The following ZBTB11 variants were observed in gnomAD, a reference collection of about 807,000 sequenced individuals.
ZBTB11 encodes zinc finger and BTB domain containing 11.
In ZBTB11, 68 loss-of-function variants were observed where a neutral mutation model predicts 113.1. That is an observed-to-expected ratio of 0.60 (90% CI 0.49 to 0.74). The LOEUF (loss-of-function observed/expected upper bound fraction) is 0.74, where lower values mean the gene tolerates loss of function less well. ZBTB11 is among the 30% of genes least tolerant of loss of function. The pLI, the probability that ZBTB11 is intolerant of heterozygous loss-of-function variation, is 0.00. For missense variants in ZBTB11, 1,104 were observed against 1,279.4 expected (o/e 0.86, Z 2.09); for synonymous variants, 518 against 452.6 (o/e 1.14, Z -1.83).
At chr3:101,676,006 A>C (rs1937161560) in intron 1 of ZBTB11, among the ~76,000 whole-genome samples, 1 of 152,236 alleles carries the variant, frequency 6.6e-6, no homozygotes, top group Non-Finnish European at 1.5e-5. Flanking sequence ...GTTCTTAAAA[A>C]AAAACGCTCA....
At chr3:101,663,667 GATC>G (rs984059777) in intron 5 of ZBTB11, among the ~76,000 whole-genome samples, 10 of 152,108 alleles carry the variant, frequency 6.6e-5, no homozygotes, top group African/African-American at 2.4e-4. Context: ...GAGACAGGTG[GATC>G]ATTTGAGCTC....
chr3:101,652,710 A>T (rs764982512), intron 9 of ZBTB11, 39 bp from the exon 10 acceptor site: 6 of 1,611,058 alleles, frequency 3.7e-6, no homozygotes, highest in East Asian at 2.2e-5. Flanking sequence ...TTGTCCAAAG[A>T]AGTAGCAGCC....
intron 3 of ZBTB11, among the ~76,000 whole-genome samples, chr3:101,668,310 T>C (rs890597990): frequency 6.6e-6 from 1 of 152,140 alleles, no homozygotes; most frequent in Admixed American, 6.6e-5. Flanking sequence ...GCAAGGTATA[T>C]AGTTAACAAC....
chr3:101,676,515 C>G (rs1270685150), intron 1 of ZBTB11, 90 bp downstream of exon 1: 15 of 1,338,714 alleles, frequency 1.1e-5, no homozygotes, highest in Admixed American at 3.6e-5. Flanking sequence ...CCGAGACCCT[C>G]CGACTCGTGG....
At chr3:101,674,935 G>A (rs1416620996) in intron 1 of ZBTB11, among the ~76,000 whole-genome samples, 1 of 152,138 alleles carries the variant, frequency 6.6e-6, no homozygotes, top group Non-Finnish European at 1.5e-5. Context: ...TAACATCCTA[G>A]TGCTTTTAGT....
chr3:101,664,826 C>T lies in ZBTB11; in HGVS notation c.1624-112G>A, dbSNP rs777302862. 2.7e-6 allele frequency: 4 copies of T among 1,461,930 alleles called. No individual in the cohort carries two copies. In the African/African-American group the frequency reaches 4.3e-5, roughly 16 times the overall value. 90.6% of individuals were successfully genotyped at this position (1,461,930 alleles called of 1,614,324 possible). A position where few individuals can be genotyped will look rare whatever the true frequency, so the allele number is the denominator to read the frequency against. ...TCAAATTCACATTATCTTATTAATA[C>T]TGGCATTTAAAACATTAAGTTGCTA... On this transcript the variant is annotated intron_variant, in intron 4 of 10. Coordinates refer to ENST00000312938, the MANE Select transcript of ZBTB11 (RefSeq NM_014415.4).
chr3:101,675,284 A>T (rs1213709916), intron 1 of ZBTB11, among the ~76,000 whole-genome samples: 1 of 152,260 alleles, frequency 6.6e-6, no homozygotes, highest in Admixed American at 6.5e-5. Flanking sequence ...TCATTACCTC[A>T]TAATTTAATC....
At chr3:101,655,930 G>C in intron 7 of ZBTB11, 174 bp downstream of exon 7, 1 of 373,568 alleles carries the variant, frequency 2.7e-6, no homozygotes, top group Non-Finnish European at 4.5e-6. Context: ...AAAGTGCTGG[G>C]GATTACAGGC....
intron 3 of ZBTB11, chr3:101,670,888 C>A: frequency 4.5e-6 from 2 of 440,600 alleles, no homozygotes; most frequent in East Asian, 3.4e-5. Flanking sequence ...CAGTTTAAAT[C>A]CTAGAAATTC....
chr3:101,676,556 C>A, intron 1 of ZBTB11, 49 bp downstream of exon 1: 1 of 1,440,744 alleles, frequency 6.9e-7, no homozygotes, highest in Non-Finnish European at 9.1e-7. Flanking sequence ...CGAGCCTTGC[C>A]CAGGCAACGA....
intron 3 of ZBTB11, among the ~76,000 whole-genome samples, chr3:101,669,306 G>GT (rs1937047889): frequency 1.3e-5 from 2 of 152,210 alleles, no homozygotes; most frequent in African/African-American, 4.8e-5. Flanking sequence ...GATTACTGGC[G>GT]TGAGCCACTG....
intron 1 of ZBTB11, chr3:101,676,393 G>A (rs1157582386): frequency 3.8e-5 from 19 of 495,412 alleles, no homozygotes; most frequent in Non-Finnish European, 6.0e-5. Context: ...CCCACCCAGG[G>A]CCAGGGCCCG....
intron 1 of ZBTB11, among the ~76,000 whole-genome samples, chr3:101,675,895 C>A (rs1937159238): frequency 6.6e-6 from 1 of 152,126 alleles, no homozygotes; most frequent in African/African-American, 2.4e-5. Context: ...AGATGGAGAC[C>A]AGCTTGGGGA....
chr3:101,676,493 G>A (rs1476221198), intron 1 of ZBTB11, 112 bp downstream of exon 1: 2 of 1,163,228 alleles, frequency 1.7e-6, no homozygotes, highest in Non-Finnish European at 2.3e-6. Context: ...CAGCTCCGCC[G>A]CCCAGAGGCG....
chr3:101,659,912 T>TC lies in ZBTB11; in HGVS notation c.1916dup (p.Thr640AsnfsTer4). On this transcript the variant is annotated frameshift_variant, in exon 6 of 11. Coordinates refer to ENST00000312938, the MANE Select transcript of ZBTB11 (RefSeq NM_014415.4). LOFTEE classifies it high-confidence loss of function. ...TGGTTCTGCCCTTCTCAGATGATGT[T>TC]CCCGATGCTTCATTAGACGTGGAAT... 1 of 1,614,212 alleles carries TC rather than the reference T, an allele frequency of 6.2e-7. No homozygotes were observed. Among genetic ancestry groups the TC allele is most frequent in the Non-Finnish European group, 8.5e-7 (1 of 1,180,032 alleles).
chr3:101,652,084 G>A (rs1438584898), intron 10 of ZBTB11, among the ~76,000 whole-genome samples: 1 of 151,828 alleles, frequency 6.6e-6, no homozygotes, highest in African/African-American at 2.4e-5. Context: ...AGCCAGGATC[G>A]CGTCACTGCA....
intron 1 of ZBTB11, 146 bp downstream of exon 1, chr3:101,676,459 C>CA: frequency 1.2e-6 from 1 of 835,842 alleles, no homozygotes; most frequent in East Asian, 3.3e-5. Context: ...TCGCGTCCCC[C>CA]ACCCTCTCGG....
At chr3:101,674,039 T>TTG (rs1553780029) in intron 1 of ZBTB11, among the ~76,000 whole-genome samples, 14 of 151,932 alleles carry the variant, frequency 9.2e-5, no homozygotes, top group African/African-American at 3.4e-4. Flanking sequence ...AGACTGTTTT[T>TTG]TTTTTTTTTT....
chr3:101,674,034 G>GTT (rs34193191), intron 1 of ZBTB11, among the ~76,000 whole-genome samples: 44,639 of 139,508 alleles, frequency 0.32, 7,389 homozygotes, highest in Non-Finnish European at 0.34. Flanking sequence ...CACAGAGACT[G>GTT]TTTTTTTTTT....
Sources: gnomAD v4.1 joint callset for allele counts (sites outside exome capture counted in the v4.1 genomes callset) on GRCh38, gnomAD v4.1.1 for gene constraint, MANE v1.5 for transcripts, NCBI Gene and HGNC (gene_info 2026-07-23, HGNC 2026-07-21) for gene names.